NBEA: variants seen among roughly 807,000 people sequenced by gnomAD.
NBEA encodes neurobeachin.
Under a neutral mutation model 343.4 loss-of-function variants are expected in NBEA, and 44 were observed. The ratio of observed to expected loss-of-function variants is 0.13; its 90% CI spans 0.10 to 0.16. The LOEUF is 0.16. Ranked by LOEUF, NBEA falls within the 10% of genes least tolerant of loss-of-function variation. The pLI is 1.00. For synonymous variants in NBEA, 1,175 were observed against 1,238.7 expected (o/e 0.95, Z 1.08); for missense variants, 2,555 against 3,631.3 (o/e 0.70, Z 7.62).
chr13:35,482,242 AT>A (rs1187315797), intron 41 of NBEA, among the ~76,000 whole-genome samples: 1 of 151,700 alleles, frequency 6.6e-6, no homozygotes, highest in Admixed American at 6.6e-5. Flanking sequence ...ACCTTTTATC[AT>A]GTATATTATG....
At chr13:35,610,308 G>A (rs1464014751) in intron 48 of NBEA, among the ~76,000 whole-genome samples, 2 of 152,082 alleles carry the variant, frequency 1.3e-5, no homozygotes, top group Non-Finnish European at 2.9e-5. Context: ...TGGGAGGATC[G>A]TTTGAGCCTA....
chr13:35,097,323 T>C (rs868224060), intron 10 of NBEA, among the ~76,000 whole-genome samples: 1 of 151,856 alleles, frequency 6.6e-6, no homozygotes, highest in Non-Finnish European at 1.5e-5. Context: ...ACTTCTGCAT[T>C]TAAAATATGT....
chr13:35,148,779 A>G (rs933407451), intron 18 of NBEA, among the ~76,000 whole-genome samples: 1 of 152,116 alleles, frequency 6.6e-6, no homozygotes, highest in Non-Finnish European at 1.5e-5. Flanking sequence ...AGATAGTAAT[A>G]TTTCAGGCTT....
At chr13:35,633,802 A>G (rs533743448) in intron 49 of NBEA, among the ~76,000 whole-genome samples, 1 of 152,318 alleles carries the variant, frequency 6.6e-6, no homozygotes, top group Admixed American at 6.5e-5. Flanking sequence ...TAATAATTTC[A>G]TTATATATGA....
At chr13:35,565,696 C>T (rs1387964972) in intron 44 of NBEA, among the ~76,000 whole-genome samples, 1 of 152,136 alleles carries the variant, frequency 6.6e-6, no homozygotes, top group Non-Finnish European at 1.5e-5. Context: ...CTCTTAATTT[C>T]ACCTGATCAT....
intron 44 of NBEA, among the ~76,000 whole-genome samples, chr13:35,555,399 G>A (rs1344808240): frequency 6.6e-6 from 1 of 152,024 alleles, no homozygotes; most frequent in African/African-American, 2.4e-5. Flanking sequence ...AAATAATAAT[G>A]GGAAAAGTAA....
At chr13:35,242,325 A>G (rs527936804) in intron 34 of NBEA, among the ~76,000 whole-genome samples, 19 of 151,922 alleles carry the variant, frequency 1.3e-4, no homozygotes, top group Admixed American at 1.2e-3. Context: ...AGAAAGAATC[A>G]GCAAACTTGA....
chr13:34,992,037 A>G (rs1206232249), intron 1 of NBEA, among the ~76,000 whole-genome samples: 1 of 150,062 alleles, frequency 6.7e-6, no homozygotes, highest in African/African-American at 2.4e-5. Flanking sequence ...TATATGTAAT[A>G]TGACTTTTAT....
intron 1 of NBEA, among the ~76,000 whole-genome samples, chr13:34,974,447 ATG>A (rs1264726749): frequency 6.6e-6 from 1 of 152,172 alleles, no homozygotes; most frequent in African/African-American, 2.4e-5. Flanking sequence ...TTCTTAGTAT[ATG>A]TGAGGTTTCA....
intron 34 of NBEA, among the ~76,000 whole-genome samples, chr13:35,258,798 G>A (rs891921249): frequency 2.0e-5 from 3 of 152,098 alleles, no homozygotes; most frequent in African/African-American, 4.8e-5. Context: ...AAATTTTAAT[G>A]ATGGTGCAAA....
At chr13:35,052,647 G>C (rs745722869) in intron 6 of NBEA, among the ~76,000 whole-genome samples, 1 of 151,210 alleles carries the variant, frequency 6.6e-6, no homozygotes, top group Non-Finnish European at 1.5e-5. Context: ...AAGTATATCA[G>C]ATCAAAAGTT....
intron 1 of NBEA, among the ~76,000 whole-genome samples, chr13:34,958,942 A>C (rs2059578575): frequency 6.6e-6 from 1 of 152,124 alleles, no homozygotes; most frequent in Admixed American, 6.6e-5. Flanking sequence ...CTATTATGTC[A>C]AACCTTTCTT....
chr13:35,351,067 T>C (rs978596074), intron 37 of NBEA, among the ~76,000 whole-genome samples: 1 of 151,930 alleles, frequency 6.6e-6, no homozygotes, highest in Admixed American at 6.6e-5. Context: ...AAAAGATAAA[T>C]TGGAAAATGA....
rs182653824 is a variant in NBEA, at chr13:35,566,229, C to T, written c.6923-676C>T. ...TACAAAAATTAGCCAGGTGCGGTGGCGCGTGCCTGTAATCCCAGCTACTCA... is the reference window on the plus strand; with the variant it reads ...TACAAAAATTAGCCAGGTGCGGTGGTGCGTGCCTGTAATCCCAGCTACTCA... On this transcript the variant is annotated intron_variant, in intron 44 of 58. Transcript: ENST00000379939. 2.5e-4 allele frequency among the ~76,000 whole-genome samples: 38 copies of T among 152,098 alleles called. 1 individual carries two copies. The highest frequency in any genetic ancestry group is 6.7e-4 in the African/African-American group (28 of 41,508).
intron 48 of NBEA, among the ~76,000 whole-genome samples, chr13:35,608,405 G>T (rs1485613461): frequency 1.3e-5 from 2 of 151,988 alleles, no homozygotes; most frequent in African/African-American, 4.8e-5. Context: ...TTTAGAATTG[G>T]TATTTCATCA....
chr13:35,576,740 T>C (rs1408086878), intron 45 of NBEA, among the ~76,000 whole-genome samples: 3 of 152,206 alleles, frequency 2.0e-5, no homozygotes, highest in African/African-American at 7.2e-5. Context: ...ATATGATTTT[T>C]TAAATGTTAC....
intron 41 of NBEA, among the ~76,000 whole-genome samples, chr13:35,499,328 A>G (rs566012537): frequency 1.3e-5 from 2 of 152,158 alleles, no homozygotes; most frequent in African/African-American, 4.8e-5. Flanking sequence ...TGATAGGTCA[A>G]GTATAAGAGG....
At chr13:35,178,014 A>G (rs566965979) in intron 28 of NBEA, among the ~76,000 whole-genome samples, 1 of 151,880 alleles carries the variant, frequency 6.6e-6, no homozygotes, top group East Asian at 1.9e-4. Flanking sequence ...GAAAATTCCA[A>G]ACATACCAAC....
chr13:35,489,038 C>A (rs867586395), intron 41 of NBEA, among the ~76,000 whole-genome samples: 1 of 150,650 alleles, frequency 6.6e-6, no homozygotes, highest in Non-Finnish European at 1.5e-5. Context: ...TGTGTTAAAG[C>A]CTTGAATTTC....
Sources: gnomAD v4.1 joint callset for allele counts (sites outside exome capture counted in the v4.1 genomes callset) on GRCh38, gnomAD v4.1.1 for gene constraint, MANE v1.5 for transcripts, NCBI Gene and HGNC (gene_info 2026-07-23, HGNC 2026-07-21) for gene names.